MGAT4C: variants seen among roughly 807,000 people sequenced by gnomAD.
MGAT4C encodes the protein MGAT4 family member C.
Under a neutral mutation model 40.1 loss-of-function variants are expected in MGAT4C, and 19 were observed. That is an observed-to-expected ratio of 0.47 (90% CI 0.33 to 0.70). The LOEUF (loss-of-function observed/expected upper bound fraction) is 0.70. Among genes scored for constraint, MGAT4C ranks in the 30% least tolerant of loss-of-function variants. The pLI is 0.02. For synonymous variants in MGAT4C, 181 were observed against 187.1 expected (o/e 0.97, Z 0.27); for missense variants, 491 against 563.2 (o/e 0.87, Z 1.30).
At chr12:86,786,888 C>T (rs1951939575) in intron 1 of MGAT4C, among the ~76,000 whole-genome samples, 2 of 152,056 alleles carry the variant, frequency 1.3e-5, no homozygotes, top group Non-Finnish European at 2.9e-5. Context: ...CCACAACTTT[C>T]AAAATAAATA....
rs1231639879 is a variant in MGAT4C at position 85,961,698 on chromosome 12, T to C, written c.*17591A>G. ...AAACACATCTCCAATTTATTTGAAT[T>C]TTTCTGGCCTAACCTTGTTGGCATG... On this transcript the variant is annotated 3_prime_UTR_variant, in exon 5 of 5. Transcript: ENST00000611864. 1 of 151,810 alleles carries C rather than the reference T, an allele frequency of 6.6e-6. No homozygotes were observed. The highest frequency in any genetic ancestry group is 1.5e-5 in the Non-Finnish European group (1 of 67,756). The allele number at this position is 151,810 out of a possible 1,614,324, so 9.4% of individuals were successfully genotyped here. A position where few individuals can be genotyped will look rare whatever the true frequency, so the allele number is the denominator to read the frequency against.
At chr12:86,152,687 C>G (rs1884441841) in intron 1 of MGAT4C, among the ~76,000 whole-genome samples, 1 of 152,092 alleles carries the variant, frequency 6.6e-6, no homozygotes, top group African/African-American at 2.4e-5. Context: ...ATGCATTCAA[C>G]AAGTATTTAG....
intron 1 of MGAT4C, among the ~76,000 whole-genome samples, chr12:86,070,654 T>C (rs1411622248): frequency 1.3e-5 from 2 of 152,060 alleles, no homozygotes. Context: ...TTCAAAGTTC[T>C]ATCTATCTCT....
intron 1 of MGAT4C, among the ~76,000 whole-genome samples, chr12:86,248,071 C>G (rs913022394): frequency 2.0e-5 from 3 of 152,064 alleles, no homozygotes; most frequent in Non-Finnish European, 4.4e-5. Flanking sequence ...TCCTCTTCAC[C>G]ACTTTTAAAT....
intron 2 of MGAT4C, among the ~76,000 whole-genome samples, chr12:86,450,781 A>C (rs964641030): frequency 1.2e-5 from 1 of 86,606 alleles, no homozygotes; most frequent in Non-Finnish European, 2.9e-5. Flanking sequence ...GAATATATAA[A>C]TATGTGACTA....
chr12:86,136,746 T>C (rs1164401669), intron 1 of MGAT4C, among the ~76,000 whole-genome samples: 1 of 152,140 alleles, frequency 6.6e-6, no homozygotes, highest in Admixed American at 6.6e-5. Context: ...CGGCATGCAA[T>C]AGCGTGATCT....
intron 1 of MGAT4C, among the ~76,000 whole-genome samples, chr12:86,166,677 G>A (rs538275748): frequency 6.6e-5 from 10 of 152,142 alleles, no homozygotes; most frequent in Non-Finnish European, 8.8e-5. Context: ...CAAAAAAAAA[G>A]TCTATTAAAT....
At chr12:86,808,388 C>T in intron 1 of MGAT4C, among the ~76,000 whole-genome samples, 1 of 152,082 alleles carries the variant, frequency 6.6e-6, no homozygotes, top group Non-Finnish European at 1.5e-5. Context: ...CAATAAAATA[C>T]TGGAAAACCA....
chr12:86,436,721 A>C (rs1214439501), intron 2 of MGAT4C, among the ~76,000 whole-genome samples: 1 of 151,758 alleles, frequency 6.6e-6, no homozygotes, highest in Non-Finnish European at 1.5e-5. Flanking sequence ...TTTCTTTAAA[A>C]GAGGTTTGTG....
chr12:86,585,323 G>A (rs1480681247), intron 2 of MGAT4C, among the ~76,000 whole-genome samples: 2 of 151,322 alleles, frequency 1.3e-5, no homozygotes, highest in Non-Finnish European at 3.0e-5. Context: ...GCCTTTCAGA[G>A]TTAATGTAAC....
chr12:86,766,971 G>C (rs1012390806), intron 1 of MGAT4C, among the ~76,000 whole-genome samples: 1 of 151,964 alleles, frequency 6.6e-6, no homozygotes, highest in Non-Finnish European at 1.5e-5. Flanking sequence ...AGAAAAGCAA[G>C]AGCAAACACA....
chr12:85,990,617 C>A (rs771077049), intron 2 of MGAT4C, among the ~76,000 whole-genome samples: 1 of 151,810 alleles, frequency 6.6e-6, no homozygotes, highest in Non-Finnish European at 1.5e-5. Flanking sequence ...TTTGTGGGTC[C>A]TTATAAATTA....
At chr12:86,757,213 T>C (rs1300116221) in intron 1 of MGAT4C, among the ~76,000 whole-genome samples, 1 of 143,024 alleles carries the variant, frequency 7.0e-6, no homozygotes, top group African/African-American at 2.6e-5. Flanking sequence ...CCGGGGCCTG[T>C]TGGGGGTTGG....
chr12:86,350,920 A>T (rs951335451), intron 3 of MGAT4C, among the ~76,000 whole-genome samples: 4 of 151,680 alleles, frequency 2.6e-5, no homozygotes, highest in African/African-American at 9.7e-5. Context: ...GTAGTTTTTT[A>T]TTTACCTTTA....
At chr12:86,113,639 A>C (rs940060918) in intron 1 of MGAT4C, among the ~76,000 whole-genome samples, 3 of 151,852 alleles carry the variant, frequency 2.0e-5, no homozygotes, top group African/African-American at 7.2e-5. Context: ...TTAGAACAGA[A>C]AGAGAAGTGA....
intron 1 of MGAT4C, among the ~76,000 whole-genome samples, chr12:86,111,533 G>T: frequency 6.6e-6 from 1 of 151,704 alleles, no homozygotes; most frequent in South Asian, 2.1e-4. Context: ...TTATTTTAGA[G>T]AAAGAGATTT....
At chr12:86,819,111 T>C (rs1021451257) in intron 1 of MGAT4C, among the ~76,000 whole-genome samples, 30 of 151,078 alleles carry the variant, frequency 2.0e-4, no homozygotes, top group African/African-American at 4.3e-4. Flanking sequence ...AATGAGGAAA[T>C]TGCATATTTT....
At chr12:86,679,466 T>C (rs1949939084) in intron 2 of MGAT4C, among the ~76,000 whole-genome samples, 1 of 152,130 alleles carries the variant, frequency 6.6e-6, no homozygotes, top group Admixed American at 6.6e-5. Context: ...TACTATTTTG[T>C]GGCCTTTTCA....
At position 86,497,104 on chromosome 12, in the gene MGAT4C, C is replaced by G. The variant is rs377204235; in HGVS notation, c.-228-61839G>C. On this transcript the variant is annotated intron_variant, in intron 2 of 7. Coordinates refer to the MGAT4C transcript ENST00000548651. ...AAAATGCAAATATTTTCAATAAAAT[C>G]CAGATGGCTACAATTGCTAAGAACT... 1.4e-3 allele frequency among the ~76,000 whole-genome samples: 207 copies of G among 152,006 alleles called. 4 individuals are homozygous for G. The highest frequency in any genetic ancestry group is 4.7e-3 in the African/African-American group (194 of 41,530).
Sources: allele counts gnomAD v4.1 joint callset (sites outside exome capture counted in the v4.1 genomes callset), GRCh38; gene constraint gnomAD v4.1.1; transcripts MANE v1.5; gene names NCBI Gene and HGNC (gene_info 2026-07-23, HGNC 2026-07-21).